The following PARP1 variants were observed in gnomAD, a reference collection of about 807,000 sequenced individuals.
PARP1 encodes the protein poly(ADP-ribose) polymerase 1.
PARP1 carries 44 observed loss-of-function variants against 118.7 expected under a neutral mutation model. The ratio of observed to expected loss-of-function variants is 0.37; its 90% CI spans 0.29 to 0.48. The LOEUF is 0.48. PARP1 is among the 20% of genes least tolerant of loss of function. The pLI is 0.99. For missense variants in PARP1, 1,100 were observed against 1,272.4 expected (o/e 0.86, Z 2.06); for synonymous variants, 492 against 483.2 (o/e 1.02, Z -0.24).
intron 9 of PARP1, among the ~76,000 whole-genome samples, chr1:226,380,853 G>A (rs906118769): frequency 2.0e-5 from 3 of 152,124 alleles, no homozygotes; most frequent in East Asian, 1.9e-4. Context: ...GTAGCTTACC[G>A]TCTTTAGTTG....
intron 1 of PARP1, 62 bp from the exon 2 acceptor site, chr1:226,402,441 G>A (rs1665057163): frequency 6.8e-7 from 1 of 1,463,538 alleles, no homozygotes. Context: ...AGACCCACTA[G>A]ACCTTGACCT....
At chr1:226,404,888 C>A (rs1665112658) in intron 1 of PARP1, among the ~76,000 whole-genome samples, 2 of 152,130 alleles carry the variant, frequency 1.3e-5, no homozygotes, top group African/African-American at 4.8e-5. Flanking sequence ...CCACCTAGGC[C>A]ACAGAGAGAA....
intron 7 of PARP1, 116 bp from the exon 8 acceptor site, chr1:226,383,299 T>A (rs911097851): frequency 9.7e-6 from 8 of 827,584 alleles, no homozygotes; most frequent in Non-Finnish European, 1.6e-5. Flanking sequence ...CTTCTTACAA[T>A]AAAGAGTAAC....
chr1:226,375,163 T>C (rs1188220044), intron 13 of PARP1, among the ~76,000 whole-genome samples: 1 of 152,224 alleles, frequency 6.6e-6, no homozygotes, highest in Non-Finnish European at 1.5e-5. Context: ...CTAACTTGCG[T>C]TGTTAGTGTT....
Position 226,361,490 on chromosome 1 carries a change from C to T in PARP1, c.3015G>A (p.Leu1005=), listed in dbSNP as rs2102724592. 6.2e-7 allele frequency: 1 copy of T among 1,613,120 alleles called. No homozygotes were observed. The highest frequency in any genetic ancestry group is 8.5e-7 in the Non-Finnish European group (1 of 1,179,126). ...ACAGGGAGGTCTTAAAATTGAATTT[C>T]AGTTTCAGCAGATACTTCAGATTTA... ...AQVNLKYLLK[L]KFNFKTSLW Residue 1005 remains leucine (L), a synonymous_variant, in exon 23 of 23, where the codon CTG becomes CTA. Transcript: ENST00000366794.
At chr1:226,396,412 C>CA (rs34854741) in intron 2 of PARP1, among the ~76,000 whole-genome samples, 24,112 of 133,694 alleles carry the variant, frequency 0.18, 2,527 homozygotes, top group East Asian at 0.43. Flanking sequence ...ATTTTGCCAC[C>CA]AAAAAAAAAA....
intron 2 of PARP1, chr1:226,392,974 G>A: frequency 6.4e-7 from 1 of 1,562,052 alleles, no homozygotes; most frequent in Non-Finnish European, 8.6e-7. Context: ...ACATGGTATT[G>A]GAGGTTCTAG....
chr1:226,370,329 C>CA (rs748051531), intron 15 of PARP1, 105 bp downstream of exon 15: 155 of 850,256 alleles, frequency 1.8e-4, no homozygotes, highest in Middle Eastern at 1.5e-3. Context: ...TCAGTACTTC[C>CA]AGTTTCTTAA....
intron 2 of PARP1, chr1:226,401,911 G>A: frequency 1.5e-6 from 2 of 1,294,952 alleles, no homozygotes. Context: ...GGAGGGGGAG[G>A]GGGTACTGGA....
Position 226,363,036 on chromosome 1 carries a change from C to A in PARP1, c.2848+63G>T, listed in dbSNP as rs185297307. On this transcript the variant is annotated intron_variant, in intron 21 of 22. Coordinates refer to ENST00000366794, the MANE Select transcript of PARP1 (RefSeq NM_001618.4). ...AAGGCAGCCTTCTCAGGACAGCAAG[C>A]CCCCGGCTTCTGTGCTGTCCAGGGT... 17 of 1,140,306 alleles carry A rather than the reference C, an allele frequency of 1.5e-5. No individual in the cohort carries two copies. In the East Asian group the frequency reaches 4.0e-4, roughly 27 times the overall value. The allele number at this position is 1,140,306 out of a possible 1,614,324, so 70.6% of individuals were successfully genotyped here. A position where few individuals can be genotyped will look rare whatever the true frequency, so the allele number is the denominator to read the frequency against.
At chr1:226,379,427 G>C (rs754948078) in intron 11 of PARP1, 146 bp downstream of exon 11, 74 of 1,194,338 alleles carry the variant, frequency 6.2e-5, no homozygotes, top group Admixed American at 1.9e-4. Flanking sequence ...CTCAGGACTG[G>C]GGGAGCTGGT....
chr1:226,394,007 A>G (rs2102742893), intron 2 of PARP1, among the ~76,000 whole-genome samples: 1 of 152,372 alleles, frequency 6.6e-6, no homozygotes, highest in East Asian at 1.9e-4. Context: ...TATTTGTAAA[A>G]ACATGTTATG....
rs140071491 is a variant in PARP1, at chr1:226,383,532, G to A, written c.1012-349C>T. On this transcript the variant is annotated intron_variant, in intron 7 of 22. Coordinates refer to ENST00000366794, the MANE Select transcript of PARP1 (RefSeq NM_001618.4). ...CTACAACCTCCCTGGCCTCATTCCT[G>A]AGTTGCTCCCTTCGAGAGTTAATAG... is the stretch of plus-strand genomic sequence containing the variant. Among the ~76,000 whole-genome samples, 590 of 152,268 alleles carry A rather than the reference G, an allele frequency of 3.9e-3. 5 individuals are homozygous for A. Among genetic ancestry groups the A allele is most frequent in the African/African-American group, 0.014 (569 of 41,536 alleles).
Position 226,392,194 on chromosome 1 carries a change from C to T in PARP1, c.402+5G>A. On this transcript the variant is annotated splice_donor_5th_base_variant and intron_variant, in intron 3 of 22. Transcript: ENST00000366794. ...GTTCAGGGATCTGGGCCCCCAAGAT[C>T]TTACCTTTTCTATCTTCTCCATACA... 6.3e-7 allele frequency: 1 copy of T among 1,587,556 alleles called. No homozygotes were observed. Among genetic ancestry groups the T allele is most frequent in the Non-Finnish European group, 8.7e-7 (1 of 1,155,638 alleles).
chr1:226,379,378 C>G, intron 11 of PARP1, 104 bp from the exon 12 acceptor site: 1 of 1,444,078 alleles, frequency 6.9e-7, no homozygotes, highest in Non-Finnish European at 9.7e-7. Flanking sequence ...CTTGGATACA[C>G]TACCACCACC....
Position 226,385,493 on chromosome 1 carries a change from C to T in PARP1, c.1011+11G>A. ...TCCCAACAGATCCCAGGATCTTCCC[C>T]TACCCCTTACCTTTGGGGTTACCCA... On this transcript the variant is annotated intron_variant, in intron 7 of 22. Coordinates refer to ENST00000366794, the MANE Select transcript of PARP1 (RefSeq NM_001618.4). The T allele has an allele frequency of 6.2e-7, 1 of 1,613,052 alleles. No individual in the cohort carries two copies.
intron 7 of PARP1, among the ~76,000 whole-genome samples, chr1:226,384,341 G>A (rs1664678455): frequency 6.6e-6 from 1 of 152,256 alleles, no homozygotes; most frequent in Non-Finnish European, 1.5e-5. Flanking sequence ...ATCACAGAGG[G>A]CTCTGAGGAC....
intron 12 of PARP1, 42 bp from the exon 13 acceptor site, chr1:226,377,345 A>G (rs992190287): frequency 6.6e-7 from 1 of 1,504,800 alleles, no homozygotes; most frequent in Non-Finnish European, 9.3e-7. Flanking sequence ...TGTGTGGGTC[A>G]GCTGTCCCAT....
At chr1:226,365,298 T>C (rs1664235931) in intron 18 of PARP1, 144 bp from the exon 19 acceptor site, 3 of 956,990 alleles carry the variant, frequency 3.1e-6, no homozygotes, top group Non-Finnish European at 4.9e-6. Context: ...TAAAAAGTGT[T>C]TTCCACAAGG....
Sources: allele counts gnomAD v4.1 joint callset (sites outside exome capture counted in the v4.1 genomes callset), GRCh38; gene constraint gnomAD v4.1.1; transcripts MANE v1.5; gene names NCBI Gene and HGNC (gene_info 2026-07-23, HGNC 2026-07-21).